PHKA1: variants seen among roughly 807,000 people sequenced by gnomAD.
PHKA1 encodes phosphorylase kinase regulatory subunit alpha 1, also known as phosphorylase b kinase regulatory subunit alpha, skeletal muscle isoform.
In PHKA1, 60 loss-of-function variants were observed where a neutral mutation model predicts 110.2. That is an observed-to-expected ratio of 0.54 (90% CI 0.44 to 0.68). The LOEUF is 0.68. PHKA1 is among the 30% of genes least tolerant of loss of function. The pLI is 0.00. For synonymous variants in PHKA1, 316 were observed against 333.6 expected, an observed-to-expected ratio of 0.95 and a Z score of 0.58; for missense variants, 801 against 942.5, an observed-to-expected ratio of 0.85 and a Z score of 1.97.
At position 72,666,257 on chromosome X, in the gene PHKA1, T is replaced by C; in HGVS notation, c.758A>G (p.Lys253Arg). The C allele has an allele frequency of 8.3e-7, 1 of 1,208,635 alleles. No individual in the cohort carries two copies. The highest frequency in any genetic ancestry group is 1.1e-6 in the Non-Finnish European group (1 of 892,618). Residue 253 changes from lysine (K) to arginine (R), a missense_variant, in exon 8 of 32, where the codon AAA (lysine) becomes AGA (arginine). This residue lies in a region of PHKA1 where 299 missense variants were observed against 423.3 expected (regional missense o/e 0.71). Coordinates refer to ENST00000373542, the MANE Select transcript of PHKA1 (RefSeq NM_002637.4). ...TGAGAGTAGACTAGCATCAACCTCTTTTGATGTTGAAGCACGGGGCAGTAG... is the reference window on the plus strand; with the variant it reads ...TGAGAGTAGACTAGCATCAACCTCTCTTGATGTTGAAGCACGGGGCAGTAG... ...NSLLPRASTS[K>R]EVDASLLSVV...
At chrX:72,669,118 G>C (rs1278232833) in intron 6 of PHKA1, among the ~76,000 whole-genome samples, 1 of 111,898 alleles carries the variant, frequency 8.9e-6, no homozygotes, top group Non-Finnish European at 1.9e-5. Flanking sequence ...TACAGCACAG[G>C]TGGCTGCTTC....
At chrX:72,589,498 T>C (rs1305503620) in intron 29 of PHKA1, among the ~76,000 whole-genome samples, 2 of 111,846 alleles carry the variant, frequency 1.8e-5, no homozygotes, top group African/African-American at 6.5e-5. Context: ...ATTGGAAGCA[T>C]TGCCTTTGAA....
intron 8 of PHKA1, 79 bp from the exon 9 acceptor site, chrX:72,657,720 C>T: frequency 1.3e-6 from 1 of 766,630 alleles, no homozygotes; most frequent in Admixed American, 2.3e-5. Context: ...ATCCTTGCAA[C>T]ATCTATATGT....
At chrX:72,711,656 A>T (rs1013881812) in intron 2 of PHKA1, among the ~76,000 whole-genome samples, 11 of 111,706 alleles carry the variant, frequency 9.8e-5, no homozygotes, top group Non-Finnish European at 1.9e-4. Context: ...AGGCAGGAGA[A>T]TCGCTTGAAC....
At chrX:72,599,870 T>C (rs1172921944) in intron 28 of PHKA1, 5 of 536,316 alleles carry the variant, frequency 9.3e-6, no homozygotes, top group Admixed American at 2.5e-5. Flanking sequence ...CATTGGACTA[T>C]GAGAACAAAT....
At chrX:72,713,676 A>ACACACACACACC (rs1379827792) in intron 1 of PHKA1, 127 bp downstream of exon 1, 6 of 528,557 alleles carry the variant, frequency 1.1e-5, no homozygotes, top group Non-Finnish European at 1.3e-5. Context: ...TCCGTCACAC[A>ACACACACACACC]CACACACACA....
intron 13 of PHKA1, among the ~76,000 whole-genome samples, chrX:72,647,152 C>T (rs1487775282): frequency 9.1e-6 from 1 of 109,766 alleles, no homozygotes; most frequent in South Asian, 3.9e-4. Flanking sequence ...AAAGTTACTA[C>T]AGTAATGCAA....
At chrX:72,662,931 T>G (rs1556304881) in intron 8 of PHKA1, among the ~76,000 whole-genome samples, 1 of 110,325 alleles carries the variant, frequency 9.1e-6, no homozygotes, top group African/African-American at 3.3e-5. Context: ...CTCCATAAAT[T>G]GGAAGAGGTA....
intron 13 of PHKA1, among the ~76,000 whole-genome samples, chrX:72,649,601 C>G (rs2147755586): frequency 9.0e-6 from 1 of 111,406 alleles, no homozygotes; most frequent in Admixed American, 9.5e-5. Flanking sequence ...GGAGTATTCT[C>G]CAAAGAGGTA....
intron 28 of PHKA1, among the ~76,000 whole-genome samples, chrX:72,596,813 G>A (rs2052595335): frequency 9.0e-6 from 1 of 111,388 alleles, no homozygotes; most frequent in Non-Finnish European, 1.9e-5. Context: ...TTAAAAAGAA[G>A]ACTGAAGTTG....
chrX:72,688,984 T>C (rs1172798110), intron 4 of PHKA1: 1 of 111,350 alleles, frequency 9.0e-6, no homozygotes, highest in Non-Finnish European at 1.9e-5. Flanking sequence ...ACACTGCTTG[T>C]CGAACAAAGA....
At chrX:72,653,552 GA>G in intron 10 of PHKA1, 22 bp from the exon 11 acceptor site, 4 of 1,073,263 alleles carry the variant, frequency 3.7e-6, no homozygotes, top group Non-Finnish European at 5.2e-6. Flanking sequence ...AGAAAGGCAG[GA>G]AAAAAAGACT....
intron 28 of PHKA1, chrX:72,599,798 GA>G (rs1556239785): frequency 1.9e-6 from 1 of 538,140 alleles, no homozygotes; most frequent in African/African-American, 2.3e-5. Context: ...GCATATACGA[GA>G]AGATCACAGC....
In PHKA1 at chrX:72,652,541, T is replaced by C; in HGVS notation, c.1245+3A>G. ...GTGGGACAGCCTTGAAGATTCCTCT[T>C]ACCTCTGCCATCAAGCTTCCTAAAA... is the stretch of plus-strand genomic sequence containing the variant. On this transcript the variant is annotated splice_donor_region_variant and intron_variant, in intron 12 of 31. Coordinates refer to ENST00000373542, the MANE Select transcript of PHKA1 (RefSeq NM_002637.4). The C allele has an allele frequency of 9.2e-7, 1 of 1,082,402 alleles. No individual in the cohort carries two copies. Among genetic ancestry groups the C allele is most frequent in the Non-Finnish European group, 1.3e-6 (1 of 777,550 alleles). 89.2% of individuals were successfully genotyped at this position (1,082,402 alleles called of 1,213,427 possible).
intron 25 of PHKA1, 128 bp downstream of exon 25, chrX:72,605,143 C>A: frequency 1.7e-6 from 1 of 588,214 alleles, no homozygotes; most frequent in Non-Finnish European, 2.8e-6. Flanking sequence ...AACAGGGGAA[C>A]AAGGTTGCCA....
At chrX:72,627,107 A>G (rs2147718995) in intron 16 of PHKA1, 58 bp from the exon 17 acceptor site, 1 of 863,873 alleles carries the variant, frequency 1.2e-6, no homozygotes, top group East Asian at 3.1e-5. Flanking sequence ...AAGTAGGGAG[A>G]AATCTTGTAA....
intron 8 of PHKA1, among the ~76,000 whole-genome samples, chrX:72,661,679 A>T (rs1372931185): frequency 2.9e-5 from 3 of 105,007 alleles, no homozygotes; most frequent in Non-Finnish European, 5.8e-5. Context: ...AATACCAATT[A>T]AAAAAAAACA....
At chrX:72,635,103 T>C (rs1556290693) in intron 16 of PHKA1, 52 bp downstream of exon 16, 1 of 1,190,107 alleles carries the variant, frequency 8.4e-7, no homozygotes. Context: ...AAGGGCTAAA[T>C]CTATGACTTA....
chrX:72,581,148 A>G lies in PHKA1; in HGVS notation c.3526T>C (p.Leu1176=), dbSNP rs2052331115. Residue 1176 remains leucine (L), a synonymous_variant, in exon 32 of 32, where the codon TTG becomes CTG. Coordinates refer to ENST00000373542, the MANE Select transcript of PHKA1 (RefSeq NM_002637.4). ...QKTLGADDTM[L]AKDPASGICT... ...ATGCCAGATGCGGGATCCTTTGCCAACATGGTATCATCTGCGCCAAGGGTT... is the reference window on the plus strand; with the variant it reads ...ATGCCAGATGCGGGATCCTTTGCCAGCATGGTATCATCTGCGCCAAGGGTT... The G allele has an allele frequency of 4.2e-6, 5 of 1,196,082 alleles. No individual in the cohort carries two copies. Among genetic ancestry groups the G allele is most frequent in the Non-Finnish European group, 5.7e-6 (5 of 882,752 alleles).
Sources: gnomAD v4.1 joint callset for allele counts (sites outside exome capture counted in the v4.1 genomes callset) on GRCh38, gnomAD v4.1.1 for gene constraint, gnomAD v4.1.1 regional missense constraint, MANE v1.5 for transcripts, NCBI Gene and HGNC (gene_info 2026-07-23, HGNC 2026-07-21) for gene names.